The following SLC22A6 variants were observed in gnomAD, a reference collection of about 807,000 sequenced individuals.
The protein encoded by SLC22A6 is PAH transporter.
Under a neutral mutation model 56.7 loss-of-function variants are expected in SLC22A6, and 45 were observed. That is an observed-to-expected ratio of 0.79 (90% CI 0.63 to 1.02). The LOEUF (loss-of-function observed/expected upper bound fraction) is 1.02. Ranked by LOEUF, SLC22A6 falls within the 50% of genes least tolerant of loss-of-function variation. The pLI is 0.00. For missense variants in SLC22A6, 606 were observed against 713.8 expected (o/e 0.85, Z 1.72); for synonymous variants, 291 against 295.9 (o/e 0.98, Z 0.17).
rs1446746298 is a variant in SLC22A6 at position 62,979,838 on chromosome 11, AGCTTG to A, written c.1143_1147del (p.Lys382CysfsTer?). The A allele has an allele frequency of 1.2e-6, 2 of 1,614,224 alleles. No individual in the cohort carries two copies. The highest frequency in any genetic ancestry group is 4.5e-5 in the East Asian group (2 of 44,882). On this transcript the variant is annotated frameshift_variant, in exon 7 of 10. Transcript: ENST00000360421. LOFTEE classifies it high-confidence loss of function. ...GGAGTTGATGACAAGGAAGCCCACA[AGCTTG>A]GCAGGCAGGTCCACAGCACCAAAGA...
At position 62,979,836 on chromosome 11, in the gene SLC22A6, C is replaced by T. The variant is rs1369745505; in HGVS notation, c.1150G>A (p.Val384Met). The T allele has an allele frequency of 1.2e-6, 2 of 1,614,084 alleles. No homozygotes were observed. Among genetic ancestry groups the T allele is most frequent in the Non-Finnish European group, 1.7e-6 (2 of 1,180,042 alleles). ...FGAVDLPAKL[V>M]GFLVINSLGR... is the part of the protein sequence containing the mutation. ...AGGGAGTTGATGACAAGGAAGCCCA[C>T]AAGCTTGGCAGGCAGGTCCACAGCA... The change falls in exon 7 of 10, where the codon GTG becomes ATG. Residue 384 changes from valine to methionine, a missense_variant. Physicochemically the swap from Val to Met is conservative, Grantham distance 21 (BLOSUM62 1). Coordinates refer to ENST00000360421, the MANE Select transcript of SLC22A6 (RefSeq NM_153276.3).
In SLC22A6 at chr11:62,981,392, G is replaced by T; in HGVS notation, c.798-9C>A. 2 of 1,495,136 alleles carry T rather than the reference G, an allele frequency of 1.3e-6. No homozygotes were observed. Among genetic ancestry groups the T allele is most frequent in the Non-Finnish European group, 9.1e-7 (1 of 1,100,568 alleles). 92.6% of individuals were successfully genotyped at this position (1,495,136 alleles called of 1,614,324 possible). On this transcript the variant is annotated splice_polypyrimidine_tract_variant and intron_variant, in intron 4 of 9. Coordinates refer to ENST00000360421, the MANE Select transcript of SLC22A6 (RefSeq NM_153276.3). ...CCGACTCAATGAAGAACCTGGGAGC[G>T]GGGGTGGGGGTGGGTGTCAGCATGG...
chr11:62,977,113 G>A (rs1272409063), intron 9 of SLC22A6, 71 bp downstream of exon 9: 1 of 1,610,934 alleles, frequency 6.2e-7, no homozygotes, highest in Admixed American at 1.7e-5. Context: ...CTGGGCTTGA[G>A]TCTCAATACC....
In SLC22A6 at chr11:62,976,748, A is replaced by G. The variant is rs150811286; in HGVS notation, c.*46T>C. 5.2e-4 allele frequency: 786 copies of G among 1,519,968 alleles called. 3 individuals are homozygous for G. The African/African-American group carries it at 8.0e-3, about 15-fold the overall frequency. The allele number at this position is 1,519,968 out of a possible 1,614,324, so 94.2% of individuals were successfully genotyped here. A position where few individuals can be genotyped will look rare whatever the true frequency, so the allele number is the denominator to read the frequency against. On this transcript the variant is annotated 3_prime_UTR_variant, in exon 10 of 10. Coordinates refer to ENST00000360421, the MANE Select transcript of SLC22A6 (RefSeq NM_153276.3). Reference sequence around the variant, plus strand: ...CTTGTGTGGGTGGCCGGAGACCTGTAGGACCTTCCCTCCCTTTAGGGTTCT... The same window carrying G: ...CTTGTGTGGGTGGCCGGAGACCTGTGGGACCTTCCCTCCCTTTAGGGTTCT...
chr11:62,979,619 A>G, intron 7 of SLC22A6, 23 bp from the exon 8 acceptor site: 1 of 1,604,460 alleles, frequency 6.2e-7, no homozygotes, highest in Non-Finnish European at 8.5e-7. Context: ...AAGGGGGGAT[A>G]GCAGGAGCTT....
At position 62,981,803 on chromosome 11, in the gene SLC22A6, C is replaced by A. The variant is rs72480410; in HGVS notation, c.797+39G>T. 3.7e-5 allele frequency: 58 copies of A among 1,563,766 alleles called. No homozygotes were observed. The African/African-American group carries it at 6.6e-4, about 18-fold the overall frequency. Reference sequence around the variant, plus strand: ...TGTCCTGTCCCTTGCAGCCTCTGGGCTCCTGTGGCAACCACCTCCAACCCT... The same window carrying A: ...TGTCCTGTCCCTTGCAGCCTCTGGGATCCTGTGGCAACCACCTCCAACCCT... On this transcript the variant is annotated intron_variant, in intron 4 of 9. Transcript: ENST00000360421.
At position 62,981,347 on chromosome 11, in the gene SLC22A6, G is replaced by T. The variant is rs377669282; in HGVS notation, c.834C>A (p.Ser278=). The T allele has an allele frequency of 5.0e-6, 8 of 1,596,616 alleles. No homozygotes were observed. The highest frequency in any genetic ancestry group is 6.0e-6 in the Non-Finnish European group (7 of 1,171,382). The part of the protein sequence containing the change: ...FIESARWHSS[S]GRLDLTLRAL... ...CCCTCAGGGTGAGGTCCAGCCTCCCGGAGGAGGAGTGCCAGCGGGCCGACT... is the reference window on the plus strand; with the variant it reads ...CCCTCAGGGTGAGGTCCAGCCTCCCTGAGGAGGAGTGCCAGCGGGCCGACT... Residue 278 remains serine, a synonymous_variant, in exon 5 of 10, where the codon TCC becomes TCA. Transcript: ENST00000360421.
At chr11:62,978,263 C>A (rs915351349) in intron 8 of SLC22A6, among the ~76,000 whole-genome samples, 10 of 151,900 alleles carry the variant, frequency 6.6e-5, no homozygotes, top group Admixed American at 3.9e-4. Flanking sequence ...CCCAGGGAAG[C>A]CTGACATTTC....
Position 62,984,333 on chromosome 11 carries a change from TG to T in SLC22A6, c.357del (p.Ile120SerfsTer2). 2 of 1,612,750 alleles carry T rather than the reference TG, an allele frequency of 1.2e-6. No individual in the cohort carries two copies. Among genetic ancestry groups the T allele is most frequent in the South Asian group, 2.2e-5 (2 of 91,000 alleles). Reference sequence around the variant, plus strand: ...CCCCAGGTGCTCACCTCAGTCACGATGGTAGATGGGAAGGTGCTGTTGTCAT... The same window carrying T: ...CCCCAGGTGCTCACCTCAGTCACGATGTAGATGGGAAGGTGCTGTTGTCAT... ...WIYDNSTFPS[T>X]IVTEWDLVCS... On this transcript the variant is annotated frameshift_variant, in exon 1 of 10. Coordinates refer to ENST00000360421, the MANE Select transcript of SLC22A6 (RefSeq NM_153276.3). LOFTEE classifies it high-confidence loss of function.
rs746139761 is a variant in SLC22A6 at position 62,979,885 on chromosome 11, G to A, written c.1101C>T (p.Ile367=). ...CACCAAAGATCACCTGGATTAGGTA[G>A]ATGCTGACTCCAAAGCCCTGCAGGT... ...VMDLQGFGVS[I]YLIQVIFGAV... The change falls in exon 7 of 10, where the codon ATC becomes ATT. Residue 367 remains isoleucine (I), a synonymous_variant. Coordinates refer to ENST00000360421, the MANE Select transcript of SLC22A6 (RefSeq NM_153276.3). The A allele has an allele frequency of 1.9e-6, 3 of 1,614,070 alleles. No individual in the cohort carries two copies. The African/African-American group carries it at 4.0e-5, about 22-fold the overall frequency.
chr11:62,982,552 A>T (rs2086267980), intron 3 of SLC22A6, among the ~76,000 whole-genome samples: 1 of 152,180 alleles, frequency 6.6e-6, no homozygotes, highest in African/African-American at 2.4e-5. Context: ...TGGATTTCTT[A>T]GGTGTCTTGC....
intron 4 of SLC22A6, among the ~76,000 whole-genome samples, 158 bp from the exon 5 acceptor site, chr11:62,981,541 A>G (rs1205656077): frequency 1.3e-5 from 2 of 152,168 alleles, no homozygotes; most frequent in Non-Finnish European, 2.9e-5. Context: ...ACCACGAGGC[A>G]GTGCCCAGCT....
rs1284560302 is a variant in SLC22A6 at position 62,983,339 on chromosome 11, T to A, written c.628+198A>T. ...GATTACAGGTGTGAGCCACTGCGCC[T>A]GGCCCGCAATCCTGTTTTTAAATGA... On this transcript the variant is annotated intron_variant, in intron 3 of 9. Transcript: ENST00000360421. The surrounding 1 kb of genome is among the most constrained non-coding windows in gnomAD (Gnocchi z 4.5). 6.6e-6 allele frequency among the ~76,000 whole-genome samples: 1 copy of A among 152,190 alleles called. No homozygotes were observed. The highest frequency in any genetic ancestry group is 1.5e-5 in the Non-Finnish European group (1 of 68,036).
chr11:62,978,856 C>T (rs964944845), intron 8 of SLC22A6, among the ~76,000 whole-genome samples: 2 of 152,150 alleles, frequency 1.3e-5, no homozygotes, highest in African/African-American at 4.8e-5. Flanking sequence ...TCCCAAAGTG[C>T]TGGGATTACA....
chr11:62,980,847 A>T (rs1228478988), intron 6 of SLC22A6, 138 bp downstream of exon 6: 2 of 667,656 alleles, frequency 3.0e-6, no homozygotes, highest in African/African-American at 3.6e-5. Flanking sequence ...CCTAAGGATG[A>T]TCCCTAGTGT....
chr11:62,984,107 C>T (rs1265208705), intron 1 of SLC22A6, 60 bp from the exon 2 acceptor site: 19 of 1,315,786 alleles, frequency 1.4e-5, no homozygotes, highest in Non-Finnish European at 1.9e-5. Flanking sequence ...AATCCCCTTC[C>T]CCCACTTCAG....
chr11:62,983,849 G>A lies in SLC22A6; in HGVS notation c.473+95C>T, dbSNP rs527414663. On this transcript the variant is annotated intron_variant, in intron 2 of 9. Transcript: ENST00000360421. This position sits in a 1 kb window ranked among gnomAD's most constrained non-coding sequence, Gnocchi z 4.5. Reference sequence around the variant, plus strand: ...TGCTGTAGATCCTCAAACCAGCGCCGGCTGGCAATGCCAAGCTCCCACCTA... The same window carrying A: ...TGCTGTAGATCCTCAAACCAGCGCCAGCTGGCAATGCCAAGCTCCCACCTA... 1.3e-5 allele frequency: 16 copies of A among 1,188,858 alleles called. No individual in the cohort carries two copies. Among genetic ancestry groups the A allele is most frequent in the South Asian group, 2.9e-5 (2 of 68,806 alleles). The allele number at this position is 1,188,858 out of a possible 1,614,324, so 73.6% of individuals were successfully genotyped here.
rs1192882000 is a variant in SLC22A6, at chr11:62,983,592, G to A, written c.573C>T (p.Phe191=). 2 of 1,591,820 alleles carry A rather than the reference G, an allele frequency of 1.3e-6. No homozygotes were observed. Among genetic ancestry groups the A allele is most frequent in the Non-Finnish European group, 1.7e-6 (2 of 1,168,990 alleles). ...CCAGAGCCATGCCCGAGAGGAGCCG[G>A]AAGGCGCAGTAGATGGGGAAGTTGG... ...FAPNFPIYCA[F]RLLSGMALAG... is the part of the protein sequence containing the mutation. Residue 191 remains phenylalanine, a synonymous_variant, in exon 3 of 10, where the codon TTC becomes TTT. Transcript: ENST00000360421. This position sits in a 1 kb window ranked among gnomAD's most constrained non-coding sequence, Gnocchi z 4.5.
chr11:62,984,420 GA>G lies in SLC22A6; in HGVS notation c.270del (p.Leu91SerfsTer31), dbSNP rs771194985. ...GTGCCATTGGCTTCTGTGCCATTGA[GA>G]AAGGGCAGTCCCCACTGCGGGGAGG... is the stretch of plus-strand genomic sequence containing the variant. Reference protein sequence around the residue: ...RFTSPQWGLPFLNGTEANGTG... With the variant: ...RFTSPQWGLPXLNGTEANGTG... On this transcript the variant is annotated frameshift_variant, in exon 1 of 10. Coordinates refer to ENST00000360421, the MANE Select transcript of SLC22A6 (RefSeq NM_153276.3). LOFTEE classifies it high-confidence loss of function. The G allele has an allele frequency of 1.9e-6, 3 of 1,613,882 alleles. No individual in the cohort carries two copies. Among genetic ancestry groups the G allele is most frequent in the South Asian group, 2.2e-5 (2 of 91,084 alleles).
Sources: allele counts gnomAD v4.1 joint callset (sites outside exome capture counted in the v4.1 genomes callset), GRCh38; gene constraint gnomAD v4.1.1; non-coding constraint Gnocchi (gnomAD v3.1); transcripts MANE v1.5; gene names NCBI Gene and HGNC (gene_info 2026-07-23, HGNC 2026-07-21).